Variants in KIF13B observed in about 807,000 individuals in gnomAD.
KIF13B encodes the protein kinesin family member 13B, also known as kinesin-like protein KIF13B.
Under a neutral mutation model 222.0 loss-of-function variants are expected in KIF13B, and 127 were observed. The ratio of observed to expected loss-of-function variants is 0.57; its 90% confidence interval spans 0.50 to 0.66. The LOEUF is 0.66. Among genes scored for constraint, KIF13B ranks in the 30% least tolerant of loss-of-function variants. The pLI is 0.00. For missense variants in KIF13B, 2,173 were observed against 2,379.0 expected (o/e 0.91, Z 1.80); for synonymous variants, 976 against 919.0 (o/e 1.06, Z -1.12).
At chr8:29,198,014 G>A (rs1563780545) in intron 2 of KIF13B, among the ~76,000 whole-genome samples, 3 of 152,126 alleles carry the variant, frequency 2.0e-5, no homozygotes, top group African/African-American at 4.8e-5. Flanking sequence ...AATTGTCTTC[G>A]ACCATCTCTT....
intron 13 of KIF13B, among the ~76,000 whole-genome samples, chr8:29,158,034 C>T (rs1811615287): frequency 6.6e-6 from 1 of 152,166 alleles, no homozygotes; most frequent in African/African-American, 2.4e-5. Context: ...GCACACTGAG[C>T]CTATTTCCAT....
intron 36 of KIF13B, among the ~76,000 whole-genome samples, chr8:29,098,770 C>CA (rs1230939509): frequency 6.6e-6 from 1 of 151,720 alleles, no homozygotes; most frequent in Non-Finnish European, 1.5e-5. Context: ...AAACATTTCC[C>CA]AAGTCGTTTT....
At chr8:29,119,401 A>G (rs1438520132) in intron 29 of KIF13B, among the ~76,000 whole-genome samples, 2 of 152,192 alleles carry the variant, frequency 1.3e-5, no homozygotes, top group Non-Finnish European at 2.9e-5. Context: ...CACTGGCTGC[A>G]TGGGCTGGAA....
chr8:29,097,244 C>A (rs1457876285), intron 36 of KIF13B, among the ~76,000 whole-genome samples: 1 of 151,496 alleles, frequency 6.6e-6, no homozygotes, highest in Non-Finnish European at 1.5e-5. Flanking sequence ...TCATGATAGG[C>A]CACTCTATCA....
chr8:29,205,182 T>C lies in KIF13B; in HGVS notation c.150-8983A>G, dbSNP rs536841346. Among the ~76,000 whole-genome samples, 260 of 126,598 alleles carry C rather than the reference T, an allele frequency of 2.1e-3. 2 individuals carry two copies. The highest frequency in any genetic ancestry group is 6.5e-3 in the African/African-American group (244 of 37,446). The allele number at this position is 126,598 out of a possible 152,430, so 83.1% of individuals were successfully genotyped here. On this transcript the variant is annotated intron_variant, in intron 2 of 39. Coordinates refer to ENST00000524189, the MANE Select transcript of KIF13B (RefSeq NM_015254.4). The stretch of plus-strand genomic sequence containing the variant: ...CAGCCTGGGTGACAGAGCAAGACCC[T>C]GTCACCAAAAAAGTTTTTTTAAAAA...
chr8:29,072,209 A>G lies in KIF13B; in HGVS notation c.4629T>C (p.Ala1543=). 1 of 1,463,868 alleles carries G rather than the reference A, an allele frequency of 6.8e-7. No homozygotes were observed. Among genetic ancestry groups the G allele is most frequent in the Non-Finnish European group, 9.0e-7 (1 of 1,111,258 alleles). 90.7% of individuals were successfully genotyped at this position (1,463,868 alleles called of 1,614,324 possible). ...AKVPSPPPVI[A]VTAVTPAPEA... ...CCGGAGCCGGGGTGACCGCTGTGACAGCTATGACAGGCGGTGGGGAAGGCA... is the reference window on the plus strand; with the variant it reads ...CCGGAGCCGGGGTGACCGCTGTGACGGCTATGACAGGCGGTGGGGAAGGCA... The change falls in exon 39 of 40, where the codon GCT becomes GCC. Residue 1543 remains alanine (A), a synonymous_variant. Transcript: ENST00000524189.
chr8:29,225,734 C>T (rs1296882382), intron 2 of KIF13B, among the ~76,000 whole-genome samples: 1 of 152,146 alleles, frequency 6.6e-6, no homozygotes, highest in Non-Finnish European at 1.5e-5. Flanking sequence ...TTCGTCTGGG[C>T]AGGATTTTAT....
At chr8:29,091,729 G>A (rs931410832) in intron 37 of KIF13B, among the ~76,000 whole-genome samples, 4 of 152,208 alleles carry the variant, frequency 2.6e-5, no homozygotes, top group Admixed American at 6.5e-5. Context: ...TGCCTACCTC[G>A]GTCCCCACAG....
chr8:29,193,166 A>T (rs531480010), intron 3 of KIF13B, among the ~76,000 whole-genome samples: 42 of 152,342 alleles, frequency 2.8e-4, no homozygotes, highest in African/African-American at 9.9e-4. Flanking sequence ...AAGTGAAAGC[A>T]GACCCCCAGC....
chr8:29,166,737 C>G (rs192961981), intron 11 of KIF13B, among the ~76,000 whole-genome samples: 2 of 149,634 alleles, frequency 1.3e-5, no homozygotes, highest in Admixed American at 1.3e-4. Context: ...AATCCTGAAT[C>G]TAATATTTCA....
intron 38 of KIF13B, among the ~76,000 whole-genome samples, 174 bp downstream of exon 38, chr8:29,075,107 T>C (rs573852500): frequency 3.9e-4 from 59 of 152,036 alleles, no homozygotes; most frequent in African/African-American, 7.7e-4. Context: ...AAGTTGAAAA[T>C]AGAAAAGTAT....
intron 1 of KIF13B, among the ~76,000 whole-genome samples, chr8:29,246,208 C>G (rs1040126501): frequency 2.0e-5 from 3 of 152,036 alleles, no homozygotes; most frequent in Non-Finnish European, 4.4e-5. Flanking sequence ...GAAACCCTGT[C>G]TCTACTAAAA....
In KIF13B at chr8:29,191,032, C is replaced by G; in HGVS notation, c.188G>C (p.Trp63Ser). 1 of 1,611,766 alleles carries G rather than the reference C, an allele frequency of 6.2e-7. No homozygotes were observed. Residue 63 changes from tryptophan to serine, a missense_variant, in exon 4 of 40, where the codon TGG becomes TCG. Around this residue, in one of 2 missense-constraint regions of KIF13B, gnomAD observed 1,480 missense variants for 1,722.8 expected, o/e 0.86. Transcript: ENST00000524189. The part of the protein sequence containing the change: ...PKVFAYDHCF[W>S]SMDESVKEKY... ...TTCTTTGACAGATTCATCCATAGAC[C>G]AGAAACAATGATCATAAGCAAACAC... is the stretch of plus-strand genomic sequence containing the variant.
intron 2 of KIF13B, among the ~76,000 whole-genome samples, chr8:29,220,519 T>G (rs1428785858): frequency 6.6e-6 from 1 of 151,602 alleles, no homozygotes. Flanking sequence ...GTTGACATTC[T>G]GAATGTTTCT....
At chr8:29,223,680 G>T (rs1814873437) in intron 2 of KIF13B, among the ~76,000 whole-genome samples, 1 of 152,138 alleles carries the variant, frequency 6.6e-6, no homozygotes, top group Admixed American at 6.5e-5. Context: ...CTGGTATATT[G>T]TATTTTTGAA....
At chr8:29,139,786 T>G (rs1238609128) in intron 21 of KIF13B, among the ~76,000 whole-genome samples, 1 of 152,000 alleles carries the variant, frequency 6.6e-6, no homozygotes, top group Non-Finnish European at 1.5e-5. Flanking sequence ...TTATAAGAAC[T>G]GTTCCTGCAG....
In KIF13B at chr8:29,118,815, G is replaced by C. The variant is rs141426112; in HGVS notation, c.3660+53C>G. ...CTTATTGTTTCAAAAAGCTCGAGGA[G>C]AGGTTAAGGAAACCACTTTTCATCT... On this transcript the variant is annotated intron_variant, in intron 30 of 39. Coordinates refer to ENST00000524189, the MANE Select transcript of KIF13B (RefSeq NM_015254.4). The C allele has an allele frequency of 4.9e-4, 775 of 1,589,430 alleles. 1 individual carries two copies. The highest frequency in any genetic ancestry group is 8.8e-4 in the Admixed American group (49 of 55,792).
intron 10 of KIF13B, among the ~76,000 whole-genome samples, chr8:29,171,753 T>C (rs575017328): frequency 7.8e-4 from 117 of 150,220 alleles, no homozygotes; most frequent in African/African-American, 2.4e-3. Flanking sequence ...ATAATTTTTT[T>C]TTCTTCTTTT....
chr8:29,088,244 C>A (rs1159450623), intron 37 of KIF13B, among the ~76,000 whole-genome samples: 1 of 151,462 alleles, frequency 6.6e-6, no homozygotes, highest in South Asian at 2.1e-4. Context: ...CCAGCCTGGG[C>A]GACAGAGGGA....
Sources: gnomAD v4.1 joint callset for allele counts (sites outside exome capture counted in the v4.1 genomes callset) on GRCh38, gnomAD v4.1.1 for gene constraint, gnomAD v4.1.1 regional missense constraint, MANE v1.5 for transcripts, NCBI Gene and HGNC (gene_info 2026-07-23, HGNC 2026-07-21) for gene names.